Variants in ACKR3 observed in about 807,000 individuals in gnomAD.
ACKR3 encodes C-X-C chemokine receptor type 7.
Under a neutral mutation model 22.4 loss-of-function variants are expected in ACKR3, and 6 were observed. The ratio of observed to expected loss-of-function variants is 0.27; its 90% confidence interval spans 0.15 to 0.53. The LOEUF is 0.53. Among genes scored for constraint, ACKR3 ranks in the 20% least tolerant of loss-of-function variants. The pLI is 0.96. For synonymous variants in ACKR3, 209 were observed against 205.2 expected (o/e 1.02, Z -0.16); for missense variants, 396 against 475.2 (o/e 0.83, Z 1.55).
the ACKR3 span, among the ~76,000 whole-genome samples, chr2:236,554,862 G>A: frequency 1.3e-5 from 2 of 152,214 alleles, no homozygotes; most frequent in African/African-American, 4.8e-5. Flanking sequence ...AGTTAAAGGG[G>A]CCCACACTTA....
chr2:236,559,994 G>A, the ACKR3 span, among the ~76,000 whole-genome samples: 1 of 152,184 alleles, frequency 6.6e-6, no homozygotes, highest in African/African-American at 2.4e-5. Context: ...TCAAGAGAGT[G>A]TTAGCTATTT....
intron 1 of ACKR3, among the ~76,000 whole-genome samples, chr2:236,579,194 C>T (rs1201158150): frequency 6.6e-6 from 1 of 152,234 alleles, no homozygotes; most frequent in African/African-American, 2.4e-5. Flanking sequence ...TCCCCTGACC[C>T]TTGTCCTTGA....
chr2:236,542,367 G>T, the ACKR3 span, among the ~76,000 whole-genome samples: 2 of 152,206 alleles, frequency 1.3e-5, no homozygotes, highest in Admixed American at 1.3e-4. Context: ...CCTTTCTGCT[G>T]GTAGGGAGGC....
At chr2:236,539,162 G>A in the ACKR3 span, among the ~76,000 whole-genome samples, 367 of 151,988 alleles carry the variant, frequency 2.4e-3, 1 homozygote, top group Middle Eastern at 0.02. Context: ...TTATTATCAC[G>A]TCTGGATGGG....
rs754747134 is a variant in ACKR3, at chr2:236,580,496, C to G, written c.31C>G (p.Pro11Ala). The change falls in exon 2 of 2, where the codon CCA becomes GCA. Residue 11 changes from proline (P) to alanine (A), a missense_variant. Physicochemically the swap from Pro to Ala is conservative, Grantham distance 27. Coordinates refer to ENST00000272928, the MANE Select transcript of ACKR3 (RefSeq NM_020311.3). The part of the protein sequence containing the change: MDLHLFDYSE[P>A]GNFSDISWPC... ...TCTGCATCTCTTCGACTACTCAGAG[C>G]CAGGGAACTTCTCGGACATCAGCTG... The G allele has an allele frequency of 1.2e-6, 2 of 1,613,878 alleles. No homozygotes were observed. Among genetic ancestry groups the G allele is most frequent in the Admixed American group, 3.3e-5 (2 of 60,028 alleles).
chr2:236,546,421 A>G, the ACKR3 span, among the ~76,000 whole-genome samples: 1 of 152,212 alleles, frequency 6.6e-6, no homozygotes, highest in East Asian at 1.9e-4. The surrounding 1 kb of genome is among the most constrained non-coding windows in gnomAD (Gnocchi z 4.9). Flanking sequence ...GATTTTTACT[A>G]CATAGATACT....
At position 236,580,873 on chromosome 2, in the gene ACKR3, G is replaced by T. The variant is rs777218823; in HGVS notation, c.408G>T (p.Thr136=). ...TCTTCGGCAGCATTTTCTTCCTCAC[G>T]TGCATGAGCGTGGACCGCTACCTCT... ...INLFGSIFFL[T]CMSVDRYLSI... Residue 136 remains threonine, a synonymous_variant, in exon 2 of 2, where the codon ACG becomes ACT. Transcript: ENST00000272928. 2 of 1,614,132 alleles carry T rather than the reference G, an allele frequency of 1.2e-6. No homozygotes were observed. The highest frequency in any genetic ancestry group is 4.5e-5 in the East Asian group (2 of 44,890).
At chr2:236,573,888 A>G (rs1283275580) in intron 1 of ACKR3, among the ~76,000 whole-genome samples, 1 of 151,936 alleles carries the variant, frequency 6.6e-6, no homozygotes, top group Non-Finnish European at 1.5e-5. Flanking sequence ...TCTTACCTCC[A>G]TTTGCTCTTC....
chr2:236,545,509 CA>C, the ACKR3 span, among the ~76,000 whole-genome samples: 2 of 152,180 alleles, frequency 1.3e-5, no homozygotes, highest in Admixed American at 1.3e-4. The surrounding 1 kb of genome is among the most constrained non-coding windows in gnomAD (Gnocchi z 5.3). Context: ...GCCAGAGTGC[CA>C]CAGGCAGCCA....
rs1691539673 is a variant in ACKR3, at chr2:236,581,604, G to A, written c.*50G>A. ...GGGTTTACTTGTTTTTGAACAGGGTGATGGGCCCTATGGTTTTCTAGAGCA... is the reference window on the plus strand; with the variant it reads ...GGGTTTACTTGTTTTTGAACAGGGTAATGGGCCCTATGGTTTTCTAGAGCA... On this transcript the variant is annotated 3_prime_UTR_variant, in exon 2 of 2. Transcript: ENST00000272928. The surrounding 1 kb of genome is among the most constrained non-coding windows in gnomAD (Gnocchi z 4.4). 1.3e-6 allele frequency: 2 copies of A among 1,572,414 alleles called. No individual in the cohort carries two copies. Among genetic ancestry groups the A allele is most frequent in the Admixed American group, 1.8e-5 (1 of 55,748 alleles).
the ACKR3 span, among the ~76,000 whole-genome samples, chr2:236,559,048 T>C: frequency 2.6e-5 from 4 of 152,338 alleles, no homozygotes; most frequent in East Asian, 7.7e-4. Flanking sequence ...TGTTACCAAC[T>C]TTTCATAAAA....
the ACKR3 span, among the ~76,000 whole-genome samples, chr2:236,544,150 C>A: frequency 3.3e-5 from 5 of 150,930 alleles, no homozygotes; most frequent in African/African-American, 1.2e-4. This position sits in a 1 kb window ranked among gnomAD's most constrained non-coding sequence, Gnocchi z 5.0. Flanking sequence ...CCACCATGCC[C>A]GGCTAATTTT....
chr2:236,580,509 C>A lies in ACKR3; in HGVS notation c.44C>A (p.Ser15Ter). ...LFDYSEPGNFSDISWPCNSSD... is the reference protein window; with the variant it reads ...LFDYSEPGNF ...GACTACTCAGAGCCAGGGAACTTCT[C>A]GGACATCAGCTGGCCATGCAACAGC... Residue 15 changes from serine to a stop codon, truncating the protein, a stop_gained, in exon 2 of 2, where the codon TCG (serine) becomes TAG (stop). Transcript: ENST00000272928. LOFTEE classifies it high-confidence loss of function. 1 of 1,614,172 alleles carries A rather than the reference C, an allele frequency of 6.2e-7. No homozygotes were observed. Among genetic ancestry groups the A allele is most frequent in the Non-Finnish European group, 8.5e-7 (1 of 1,179,992 alleles).
At chr2:236,555,390 A>G in the ACKR3 span, among the ~76,000 whole-genome samples, 7 of 152,250 alleles carry the variant, frequency 4.6e-5, no homozygotes, top group Non-Finnish European at 7.3e-5. Context: ...AAAATGGAGC[A>G]GGACCATTGG....
intron 1 of ACKR3, 81 bp from the exon 2 acceptor site, chr2:236,580,359 C>T: frequency 6.7e-7 from 1 of 1,484,496 alleles, no homozygotes; most frequent in Admixed American, 2.1e-5. Context: ...CTTGGAAAAG[C>T]ATTTTTGCCT....
the ACKR3 span, among the ~76,000 whole-genome samples, chr2:236,556,879 G>A: frequency 1.5e-4 from 23 of 152,230 alleles, no homozygotes; most frequent in South Asian, 6.2e-4. Flanking sequence ...GTAGAGACGG[G>A]GTTTCGCCAT....
chr2:236,563,820 T>C (rs1390008221), upstream of ACKR3, among the ~76,000 whole-genome samples: 2 of 152,182 alleles, frequency 1.3e-5, no homozygotes, highest in South Asian at 2.1e-4. Flanking sequence ...CTTGAGAGAC[T>C]GTCTGTAGGT....
At chr2:236,575,839 A>G (rs935919044) in intron 1 of ACKR3, among the ~76,000 whole-genome samples, 1 of 152,204 alleles carries the variant, frequency 6.6e-6, no homozygotes, top group African/African-American at 2.4e-5. Flanking sequence ...AAAGACATTT[A>G]CGTTGTCTCC....
chr2:236,567,456 C>T (rs940111868), upstream of ACKR3, among the ~76,000 whole-genome samples: 4 of 152,224 alleles, frequency 2.6e-5, no homozygotes, highest in Non-Finnish European at 4.4e-5. Flanking sequence ...GCACAATCTT[C>T]CAAAAGCAGA....
Sources: gnomAD v4.1 joint callset for allele counts (sites outside exome capture counted in the v4.1 genomes callset) on GRCh38, gnomAD v4.1.1 for gene constraint, Gnocchi (gnomAD v3.1) non-coding constraint, MANE v1.5 for transcripts, NCBI Gene and HGNC (gene_info 2026-07-23, HGNC 2026-07-21) for gene names.